Variants in NUTM2F observed in about 807,000 individuals in gnomAD.
NUTM2F encodes family with sequence similarity 22, member F.
Under a neutral mutation model 43.3 loss-of-function variants are expected in NUTM2F, and 22 were observed. The ratio of observed to expected loss-of-function variants is 0.51; its 90% CI spans 0.36 to 0.73. The LOEUF is 0.73. NUTM2F is among the 30% of genes least tolerant of loss of function. The pLI is 0.00. For missense variants in NUTM2F, 488 were observed against 927.4 expected (o/e 0.53, Z 6.15); for synonymous variants, 202 against 389.0 (o/e 0.52, Z 5.66).
chr9:94,325,024 C>T (rs1456880011), intron 2 of NUTM2F, among the ~76,000 whole-genome samples: 4 of 142,326 alleles, frequency 2.8e-5, no homozygotes, highest in Admixed American at 2.8e-4. Flanking sequence ...GCTGGACTCA[C>T]GGGACAGTGA....
chr9:94,323,976 G>A (rs1345716344), intron 2 of NUTM2F, among the ~76,000 whole-genome samples: 1 of 152,134 alleles, frequency 6.6e-6, no homozygotes. Flanking sequence ...TACACTCAAA[G>A]ACCTAAACCC....
In NUTM2F at chr9:94,321,169, G is replaced by C. The variant is rs1831360583; in HGVS notation, c.906C>G (p.Pro302=). 1.3e-6 allele frequency: 2 copies of C among 1,554,476 alleles called. No individual in the cohort carries two copies. The change falls in exon 4 of 7, where the codon CCC becomes CCG. Residue 302 remains proline, a synonymous_variant. Transcript: ENST00000253262. The part of the protein sequence containing the change: ...QIQKSQWMKG[P]QSLPPPAPPR... ...GCGGGGCTGGAGGAGGCAGGCTCTGGGGCCCCTTCATCCACTGCGATTTCT... is the reference window on the plus strand; with the variant it reads ...GCGGGGCTGGAGGAGGCAGGCTCTGCGGCCCCTTCATCCACTGCGATTTCT...
rs1366572985 is a variant in NUTM2F, at chr9:94,325,886, A to G, written c.65T>C (p.Leu22Pro). ...PGVTVNPGTS[L>P]SVFTALPFAT... Reference sequence around the variant, plus strand: ...AAAGGGCAGAGCCGTGAACACAGACAGGGAGGTGCCAGGGTTCACGGTCAC... The same window carrying G: ...AAAGGGCAGAGCCGTGAACACAGACGGGGAGGTGCCAGGGTTCACGGTCAC... The change falls in exon 2 of 7, where the codon CTG becomes CCG. Residue 22 changes from leucine to proline, a missense_variant. By Grantham distance (98) the Leu-to-Pro change is moderately conservative. Transcript: ENST00000253262. 1 of 1,611,944 alleles carries G rather than the reference A, an allele frequency of 6.2e-7. No individual in the cohort carries two copies.
intron 2 of NUTM2F, among the ~76,000 whole-genome samples, chr9:94,324,974 T>A: frequency 7.9e-6 from 1 of 126,910 alleles, no homozygotes. Context: ...GCAACAAGAG[T>A]GAAAGTCCAT....
chr9:94,319,810 A>G (rs1245676937), intron 5 of NUTM2F, 81 bp from the exon 6 acceptor site: 18 of 1,593,492 alleles, frequency 1.1e-5, no homozygotes, highest in Non-Finnish European at 1.5e-5. Context: ...AGATGCAGAA[A>G]GCGGGGAGGG....
intron 1 of NUTM2F, among the ~76,000 whole-genome samples, chr9:94,326,289 T>C (rs1831452120): frequency 6.8e-6 from 1 of 147,642 alleles, no homozygotes; most frequent in Admixed American, 6.7e-5. Flanking sequence ...TGGCTCTCAG[T>C]GTGCTCAGCA....
rs1265866513 is a variant in NUTM2F at position 94,321,162 on chromosome 9, G to A, written c.913C>T (p.Leu305=). ...AGCCTCGGCGGGGCTGGAGGAGGCA[G>A]GCTCTGGGGCCCCTTCATCCACTGC... ...KSQWMKGPQS[L]PPPAPPRLEP... is the part of the protein sequence containing the mutation. The change falls in exon 4 of 7, where the codon CTG becomes TTG. Residue 305 remains leucine (L), a synonymous_variant. Transcript: ENST00000253262. 2.6e-6 allele frequency: 4 copies of A among 1,551,004 alleles called. No individual in the cohort carries two copies. The highest frequency in any genetic ancestry group is 2.6e-6 in the Non-Finnish European group (3 of 1,155,816).
chr9:94,327,338 G>T (rs1466453875), intron 1 of NUTM2F, among the ~76,000 whole-genome samples: 1 of 151,462 alleles, frequency 6.6e-6, no homozygotes, highest in African/African-American at 2.4e-5. Context: ...TCCTGACCTC[G>T]TGATCCACAT....
intron 1 of NUTM2F, among the ~76,000 whole-genome samples, 181 bp from the exon 2 acceptor site, chr9:94,326,115 G>T (rs566414933): frequency 6.6e-6 from 1 of 151,704 alleles, no homozygotes; most frequent in African/African-American, 2.4e-5. Flanking sequence ...CCACTAGAGA[G>T]CCTGGCGCCA....
chr9:94,328,436 C>T (rs1185266160), intron 1 of NUTM2F, among the ~76,000 whole-genome samples, 172 bp downstream of exon 1: 1 of 152,162 alleles, frequency 6.6e-6, no homozygotes, highest in Non-Finnish European at 1.5e-5. Context: ...TCCTCCCTAA[C>T]CACAGACTCA....
At position 94,320,555 on chromosome 9, in the gene NUTM2F, C is replaced by T. The variant is rs770894879; in HGVS notation, c.1021G>A (p.Ala341Thr). The change falls in exon 5 of 7, where the codon GCC (alanine) becomes ACC (threonine). Residue 341 changes from alanine to threonine, a missense_variant. Transcript: ENST00000253262. This position sits in a 1 kb window ranked among gnomAD's most constrained non-coding sequence, Gnocchi z 4.5. Reference sequence around the variant, plus strand: ...TGGGGCCTGGGTGGTGGCAGGCAGGCAGTCGGGGCCTTGGGGCCATCCTTG... The same window carrying T: ...TGGGGCCTGGGTGGTGGCAGGCAGGTAGTCGGGGCCTTGGGGCCATCCTTG... The part of the protein sequence containing the change: ...PSKDGPKAPT[A>T]CLPPPRPQRP... 1.9e-6 allele frequency: 3 copies of T among 1,610,246 alleles called. No homozygotes were observed. The highest frequency in any genetic ancestry group is 1.7e-6 in the Non-Finnish European group (2 of 1,179,378).
At position 94,318,440 on chromosome 9, in the gene NUTM2F, CAG is replaced by C. The variant is rs1166566235; in HGVS notation, c.*23_*24del. ...GAGCCCCACTTTTGGGGACTGGCAT[CAG>C]AGAGTCTGCCCCATGGCGGCCCCTA... On this transcript the variant is annotated 3_prime_UTR_variant, in exon 7 of 7. Coordinates refer to ENST00000253262, the MANE Select transcript of NUTM2F (RefSeq NM_017561.2). 1.7e-6 allele frequency: 1 copy of C among 595,434 alleles called. No individual in the cohort carries two copies. Among genetic ancestry groups the C allele is most frequent in the Admixed American group, 3.8e-5 (1 of 26,016 alleles). The allele number at this position is 595,434 out of a possible 1,614,324, so 36.9% of individuals were successfully genotyped here. A position where few individuals can be genotyped will look rare whatever the true frequency, so the allele number is the denominator to read the frequency against.
rs761248571 is a variant in NUTM2F at position 94,321,128 on chromosome 9, C to T, written c.947G>A (p.Arg316Gln). ...GACCACCTCAGGGGCAGGGGGTCCT[C>T]GAGGTTCAAGCCTCGGCGGGGCTGG... ...PPPAPPRLEP[R>Q]GPPAPEVVKQ... Residue 316 changes from arginine to glutamine, a missense_variant, in exon 4 of 7, where the codon CGA becomes CAA. Coordinates refer to ENST00000253262, the MANE Select transcript of NUTM2F (RefSeq NM_017561.2). 5.0e-5 allele frequency: 78 copies of T among 1,552,920 alleles called. No homozygotes were observed. In the African/African-American group the frequency reaches 7.2e-4, roughly 14 times the overall value.
intron 3 of NUTM2F, among the ~76,000 whole-genome samples, chr9:94,321,450 G>A (rs1286588244): frequency 2.7e-5 from 4 of 149,708 alleles, no homozygotes; most frequent in Non-Finnish European, 1.5e-5. Flanking sequence ...CATCAATGGG[G>A]CTTCCTGACT....
chr9:94,328,325 A>C (rs1171187364), intron 1 of NUTM2F, among the ~76,000 whole-genome samples: 1 of 151,852 alleles, frequency 6.6e-6, no homozygotes, highest in Non-Finnish European at 1.5e-5. Context: ...AAACACAATG[A>C]CGTGACCTGT....
At chr9:94,326,829 A>G (rs1386014148) in intron 1 of NUTM2F, among the ~76,000 whole-genome samples, 1 of 151,976 alleles carries the variant, frequency 6.6e-6, no homozygotes, top group Non-Finnish European at 1.5e-5. Context: ...GATAACCCAT[A>G]ACACATCACG....
In NUTM2F at chr9:94,319,013, G is replaced by A; in HGVS notation, c.1723C>T (p.Pro575Ser). The A allele has an allele frequency of 1.2e-6, 2 of 1,605,302 alleles. No individual in the cohort carries two copies. Among genetic ancestry groups the A allele is most frequent in the Non-Finnish European group, 1.7e-6 (2 of 1,177,304 alleles). ...TCCTGACATCCCAAAAGCACAGCAG[G>A]GTCTTCGGACCTGGCCATGCCAGTG... is the stretch of plus-strand genomic sequence containing the variant. ...VRTGMARSED[P>S]AVLLGCQDSP... The change falls in exon 7 of 7, where the codon CCT becomes TCT. Residue 575 changes from proline to serine, a missense_variant. By Grantham distance (74) the Pro-to-Ser change is moderately conservative. Transcript: ENST00000253262.
intron 3 of NUTM2F, 54 bp from the exon 4 acceptor site, chr9:94,321,286 C>T (rs774190015): frequency 7.1e-6 from 11 of 1,544,650 alleles, no homozygotes; most frequent in African/African-American, 1.4e-5. Context: ...CCCCTCCCCC[C>T]AGGACCAGGC....
rs781675281 is a variant in NUTM2F at position 94,320,244 on chromosome 9, A to C, written c.1332T>G (p.Ile444Met). The change falls in exon 5 of 7, where the codon ATT becomes ATG. Residue 444 changes from isoleucine (I) to methionine (M), a missense_variant. By Grantham distance (10) the Ile-to-Met change is conservative (BLOSUM62 1). Transcript: ENST00000253262. The surrounding 1 kb of genome is among the most constrained non-coding windows in gnomAD (Gnocchi z 4.5). ...ITSDPGLLSY[I>M]DKLCSQEDFV... ...AGTCTTCCTGGGAACACAGCTTGTC[A>C]ATGTAGCTCAGGAGGCCCGGGTCTG... 28 of 1,613,820 alleles carry C rather than the reference A, an allele frequency of 1.7e-5. No individual in the cohort carries two copies. Among genetic ancestry groups the C allele is most frequent in the Non-Finnish European group, 2.1e-5 (25 of 1,179,866 alleles).
Sources: gnomAD v4.1 joint callset for allele counts (sites outside exome capture counted in the v4.1 genomes callset) on GRCh38, gnomAD v4.1.1 for gene constraint, Gnocchi (gnomAD v3.1) non-coding constraint, MANE v1.5 for transcripts, NCBI Gene and HGNC (gene_info 2026-07-23, HGNC 2026-07-21) for gene names.